AKAP9: variants seen among roughly 807,000 people sequenced by gnomAD.
AKAP9 encodes A-kinase anchor protein 9.
In AKAP9, 311 loss-of-function variants were observed where a neutral mutation model predicts 488.5. The observed-to-expected ratio is 0.64, with a 90% confidence interval of 0.58 to 0.70. AKAP9 has a LOEUF of 0.70. Among genes scored for constraint, AKAP9 ranks in the 30% least tolerant of loss-of-function variants. The probability of loss-of-function intolerance (pLI) is 0.00; values close to 1 mark genes in which losing one functional copy is unlikely to be tolerated. For synonymous variants in AKAP9, 1,462 were observed against 1,483.5 expected (o/e 0.99, Z 0.33); for missense variants, 4,215 against 4,374.5 (o/e 0.96, Z 1.03).
At chr7:91,954,828 CACTTT>C (rs980605568) in intron 1 of AKAP9, among the ~76,000 whole-genome samples, 12 of 152,150 alleles carry the variant, frequency 7.9e-5, no homozygotes, top group Non-Finnish European at 1.6e-4. Context: ...CTAACATAGC[CACTTT>C]ACTTGATTCT....
intron 10 of AKAP9, among the ~76,000 whole-genome samples, chr7:92,015,864 A>G (rs1801441254): frequency 6.6e-6 from 1 of 152,194 alleles, no homozygotes; most frequent in Non-Finnish European, 1.5e-5. Context: ...AGTATAAGAT[A>G]AATTTTATTA....
chr7:92,086,243 C>G lies in AKAP9; in HGVS notation c.9040C>G (p.Gln3014Glu). 1 of 1,614,008 alleles carries G rather than the reference C, an allele frequency of 6.2e-7. No homozygotes were observed. Reference sequence around the variant, plus strand: ...ACTTTGCTAGGTTTATGATAGTTCTCAATCTCATGAGAGCTTCTCAGACTG... The same window carrying G: ...ACTTTGCTAGGTTTATGATAGTTCTGAATCTCATGAGAGCTTCTCAGACTG... Reference protein sequence around the residue: ...QREAEVYDSSQSHESFSDWRG... With the variant: ...QREAEVYDSSESHESFSDWRG... Residue 3014 changes from glutamine (Q) to glutamate (E), a missense_variant, in exon 37 of 50, where the codon CAA becomes GAA. Physicochemically the swap from Gln to Glu is conservative, Grantham distance 29. Coordinates refer to ENST00000356239, the MANE Select transcript of AKAP9 (RefSeq NM_005751.5).
At chr7:92,102,468 A>G in intron 45 of AKAP9, 126 bp from the exon 46 acceptor site, 1 of 685,748 alleles carries the variant, frequency 1.5e-6, no homozygotes, top group Non-Finnish European at 2.6e-6. Context: ...TACTACTACT[A>G]CTACTACTAC....
chr7:92,094,165 T>C (rs952533500), intron 39 of AKAP9, among the ~76,000 whole-genome samples: 37 of 152,138 alleles, frequency 2.4e-4, no homozygotes, highest in African/African-American at 8.4e-4. Flanking sequence ...TTTTTATTAA[T>C]ACTATTTTGT....
chr7:91,946,864 T>C (rs1433457376), intron 1 of AKAP9, among the ~76,000 whole-genome samples: 4 of 152,162 alleles, frequency 2.6e-5, no homozygotes, highest in Non-Finnish European at 5.9e-5. Flanking sequence ...CAAAAACATC[T>C]CTTATTTTAT....
intron 1 of AKAP9, among the ~76,000 whole-genome samples, chr7:91,950,959 A>G (rs577230556): frequency 6.6e-6 from 1 of 152,258 alleles, no homozygotes; most frequent in East Asian, 1.9e-4. Context: ...TTTAATTTTA[A>G]TTTGTATAAA....
chr7:92,012,774 A>T lies in AKAP9; in HGVS notation c.3532+132A>T, dbSNP rs540320977. On this transcript the variant is annotated intron_variant, in intron 9 of 49. Transcript: ENST00000356239. ...TTGTTTACCAGTTGTTGATATAATC[A>T]CTAGACATTCATTTAAGTGCTTGAG... 10 of 715,014 alleles carry T rather than the reference A, an allele frequency of 1.4e-5. No individual in the cohort carries two copies. In the African/African-American group the frequency reaches 1.6e-4, roughly 12 times the overall value. The allele number at this position is 715,014 out of a possible 1,614,324, so 44.3% of individuals were successfully genotyped here.
chr7:92,098,440 A>G (rs2048020616), intron 43 of AKAP9, among the ~76,000 whole-genome samples: 1 of 152,086 alleles, frequency 6.6e-6, no homozygotes, highest in Non-Finnish European at 1.5e-5. Context: ...AATTATGTTG[A>G]CCTTTTACTG....
intron 43 of AKAP9, among the ~76,000 whole-genome samples, chr7:92,099,061 C>A (rs1238052580): frequency 6.6e-6 from 1 of 152,156 alleles, no homozygotes; most frequent in East Asian, 1.9e-4. Flanking sequence ...TGCTCCAGAC[C>A]CTCATTTCTA....
chr7:92,054,364 C>T (rs1808435656), intron 22 of AKAP9, among the ~76,000 whole-genome samples: 2 of 150,146 alleles, frequency 1.3e-5, no homozygotes, highest in African/African-American at 4.9e-5. Flanking sequence ...TTTTTTTTCA[C>T]GTATTATAAC....
chr7:92,103,897 T>G (rs988480732), intron 46 of AKAP9, among the ~76,000 whole-genome samples: 1 of 152,192 alleles, frequency 6.6e-6, no homozygotes, highest in Non-Finnish European at 1.5e-5. Context: ...GAGGTTAGCC[T>G]TTAAGGCATT....
Position 92,002,713 on chromosome 7 carries a change from G to A in AKAP9, c.2796G>A (p.Glu932=). 2.5e-6 allele frequency: 4 copies of A among 1,613,586 alleles called. No homozygotes were observed. The highest frequency in any genetic ancestry group is 2.5e-6 in the Non-Finnish European group (3 of 1,179,696). Residue 932 remains glutamate, a synonymous_variant, in exon 8 of 50, where the codon GAG becomes GAA. Transcript: ENST00000356239. ...TAGCAGAAACATTGGAAATGGGTGA[G>A]GTTGTTGAAAAGGATACAACAGAAC... The part of the protein sequence containing the change: ...TFVAETLEMG[E]VVEKDTTELM...
chr7:92,080,678 G>C (rs1813393554), intron 31 of AKAP9, among the ~76,000 whole-genome samples: 2 of 152,084 alleles, frequency 1.3e-5, no homozygotes, highest in South Asian at 4.2e-4. Context: ...TTCACGTATT[G>C]GGTAGCATTC....
At position 91,992,212 on chromosome 7, in the gene AKAP9, G is replaced by T. The variant is rs757027446; in HGVS notation, c.405+1G>T. 5.0e-6 allele frequency: 8 copies of T among 1,602,970 alleles called. No homozygotes were observed. In the South Asian group the frequency reaches 8.8e-5, roughly 18 times the overall value. ...AGGAAAGCCTACAAATTTATTAAGG[G>T]TACAGTATTTAAAACTACTTGTGAT... On this transcript the variant is annotated splice_donor_variant, in intron 4 of 49. Transcript: ENST00000356239. LOFTEE classifies it high-confidence loss of function.
At chr7:91,982,395 A>C (rs774386558) in intron 3 of AKAP9, among the ~76,000 whole-genome samples, 2 of 151,856 alleles carry the variant, frequency 1.3e-5, no homozygotes, top group Non-Finnish European at 2.9e-5. Flanking sequence ...CCTGTGTCCA[A>C]GTGTTCTCAA....
chr7:92,082,040 C>T (rs1813673212), intron 31 of AKAP9, among the ~76,000 whole-genome samples: 1 of 152,040 alleles, frequency 6.6e-6, no homozygotes, highest in African/African-American at 2.4e-5. Flanking sequence ...AGTCTTGGCT[C>T]ATTGCAACCT....
intron 2 of AKAP9, among the ~76,000 whole-genome samples, chr7:91,976,896 A>G (rs570406193): frequency 6.6e-6 from 1 of 151,950 alleles, no homozygotes; most frequent in African/African-American, 2.4e-5. Flanking sequence ...TACAATTTAA[A>G]TTTTGTTTTG....
chr7:91,976,664 AT>A (rs1390113658), intron 2 of AKAP9, among the ~76,000 whole-genome samples: 2 of 152,342 alleles, frequency 1.3e-5, no homozygotes, highest in African/African-American at 4.8e-5. Context: ...TATTTTGGGT[AT>A]TTAAATGGTC....
rs1335302781 is a variant in AKAP9, at chr7:92,009,618, G to T, written c.3319-2811G>T. ...AACTAGGGGGAAGAAAAGAAGGAAA[G>T]AAGAAAGGTAAGCTAGACAAAAGAA... On this transcript the variant is annotated intron_variant, in intron 8 of 49. Transcript: ENST00000356239. 5.3e-5 allele frequency among the ~76,000 whole-genome samples: 8 copies of T among 152,246 alleles called. No individual in the cohort carries two copies. In the East Asian group the frequency reaches 9.7e-4, roughly 18 times the overall value.
Sources: gnomAD v4.1 joint callset for allele counts (sites outside exome capture counted in the v4.1 genomes callset) on GRCh38, gnomAD v4.1.1 for gene constraint, MANE v1.5 for transcripts, NCBI Gene and HGNC (gene_info 2026-07-23, HGNC 2026-07-21) for gene names.